MSRA: variants seen among roughly 807,000 people sequenced by gnomAD.
MSRA encodes the protein mitochondrial peptide methionine sulfoxide reductase.
MSRA carries 54 observed loss-of-function variants against 31.3 expected under a neutral mutation model. The ratio of observed to expected loss-of-function variants is 1.73; its 90% CI spans 1.39 to 2.17. MSRA has a LOEUF of 2.17. MSRA is among the 30% of genes most tolerant of loss of function. The probability of loss-of-function intolerance (pLI) is 0.00; values close to 1 mark genes in which losing one functional copy is unlikely to be tolerated. For synonymous variants in MSRA, 169 were observed against 116.5 expected, an observed-to-expected ratio of 1.45 and a Z score of -2.90; for missense variants, 507 against 300.9, an observed-to-expected ratio of 1.69 and a Z score of -5.07.
In MSRA at chr8:10,057,742, C is replaced by T. The variant is rs148037352; in HGVS notation, c.142+3084C>T. On this transcript the variant is annotated intron_variant, in intron 1 of 5. Transcript: ENST00000317173. ...TTGCGCTCTCTCGTTCTCTCCTGCT[C>T]CTTTGTGTGGAGATGTGCCAGCTTC... Among the ~76,000 whole-genome samples the T allele has an allele frequency of 1.7e-4, 26 of 152,270 alleles. No individual in the cohort carries two copies. The East Asian group carries it at 3.5e-3, about 20-fold the overall frequency.
At position 10,316,527 on chromosome 8, in the gene MSRA, CCTCTCTCTCTCTCT is replaced by C. The variant is rs139421344; in HGVS notation, c.437-3322_437-3309del. Among the ~76,000 whole-genome samples the C allele has an allele frequency of 2.2e-3, 252 of 112,634 alleles. 1 individual carries two copies. The highest frequency in any genetic ancestry group is 4.9e-3 in the Middle Eastern group (1 of 206). The allele number at this position is 112,634 out of a possible 152,430, so 73.9% of individuals were successfully genotyped here. A position where few individuals can be genotyped will look rare whatever the true frequency, so the allele number is the denominator to read the frequency against. ...AGGATTGTTAGCTACTTTGATGATC[CCTCTCTCTCTCTCT>C]CTCTCTCTCTCTCTCTCTCTCTCTC... is the stretch of plus-strand genomic sequence containing the variant. On this transcript the variant is annotated intron_variant, in intron 4 of 5. Transcript: ENST00000317173.
At chr8:10,090,106 A>C (rs1798782267) in intron 1 of MSRA, among the ~76,000 whole-genome samples, 1 of 152,230 alleles carries the variant, frequency 6.6e-6, no homozygotes, top group African/African-American at 2.4e-5. Context: ...TTCATGGTGC[A>C]CATGGAGAGC....
chr8:10,101,777 CCATT>C (rs1255440117), intron 1 of MSRA, among the ~76,000 whole-genome samples: 1 of 152,196 alleles, frequency 6.6e-6, no homozygotes, highest in Non-Finnish European at 1.5e-5. Flanking sequence ...TTTTCTTTCT[CCATT>C]CATCTGCCAG....
intron 3 of MSRA, among the ~76,000 whole-genome samples, chr8:10,275,265 A>T (rs1437992745): frequency 6.6e-6 from 1 of 152,222 alleles, no homozygotes; most frequent in Admixed American, 6.5e-5. Flanking sequence ...AGATAATTCC[A>T]TACGATCAAG....
intron 5 of MSRA, among the ~76,000 whole-genome samples, chr8:10,424,374 C>A (rs180866221): frequency 6.7e-6 from 1 of 150,330 alleles, no homozygotes; most frequent in East Asian, 2.0e-4. Context: ...GGGAGAAGGC[C>A]CGGGGTGGAG....
rs1803517920 is a variant in MSRA, at chr8:10,342,853, C to G, written c.543+22864C>G. On this transcript the variant is annotated intron_variant, in intron 5 of 5. Coordinates refer to ENST00000317173, the MANE Select transcript of MSRA (RefSeq NM_012331.5). ...GCTCCGGTGAAAGACAGCTTGGTTC[C>G]AATCCCAGCTCTGCCACTGTGTGAC... is the stretch of plus-strand genomic sequence containing the variant. 1.3e-5 allele frequency among the ~76,000 whole-genome samples: 2 copies of G among 152,214 alleles called. 1 individual carries two copies. Among genetic ancestry groups the G allele is most frequent in the South Asian group, 4.1e-4 (2 of 4,830 alleles).
intron 1 of MSRA, among the ~76,000 whole-genome samples, chr8:10,171,070 C>G (rs990694128): frequency 6.6e-6 from 1 of 152,172 alleles, no homozygotes; most frequent in African/African-American, 2.4e-5. Flanking sequence ...TTTGAGAGCA[C>G]TGTCATTTTT....
intron 1 of MSRA, among the ~76,000 whole-genome samples, chr8:10,086,696 G>A (rs1023713109): frequency 6.6e-6 from 1 of 151,436 alleles, no homozygotes; most frequent in African/African-American, 2.4e-5. Context: ...TCATTTTTAT[G>A]TCCATTGTGG....
chr8:10,387,135 A>G (rs1208445206), intron 5 of MSRA, among the ~76,000 whole-genome samples: 1 of 152,154 alleles, frequency 6.6e-6, no homozygotes, highest in African/African-American at 2.4e-5. Flanking sequence ...CCACACTTCC[A>G]GTAGTGAGGC....
At chr8:10,359,093 G>T (rs138000957) in intron 5 of MSRA, among the ~76,000 whole-genome samples, 1 of 152,182 alleles carries the variant, frequency 6.6e-6, no homozygotes, top group Non-Finnish European at 1.5e-5. Flanking sequence ...AGCATGTGAT[G>T]TGCTTTTTCA....
At chr8:10,073,715 T>C (rs1485661698) in intron 1 of MSRA, among the ~76,000 whole-genome samples, 1 of 152,118 alleles carries the variant, frequency 6.6e-6, no homozygotes, top group African/African-American at 2.4e-5. Flanking sequence ...TAGATGTAGA[T>C]CTAGTTGCCT....
At chr8:10,144,514 C>T (rs1802973226) in intron 1 of MSRA, among the ~76,000 whole-genome samples, 1 of 152,148 alleles carries the variant, frequency 6.6e-6, no homozygotes, top group South Asian at 2.1e-4. Context: ...GAAACAGAAC[C>T]AACATTGCAC....
chr8:10,146,012 T>C (rs1334566591), intron 1 of MSRA, among the ~76,000 whole-genome samples: 1 of 152,214 alleles, frequency 6.6e-6, no homozygotes, highest in Non-Finnish European at 1.5e-5. Flanking sequence ...CGTATATTTA[T>C]GTATTTGGAG....
intron 1 of MSRA, among the ~76,000 whole-genome samples, chr8:10,160,277 G>A (rs1405693048): frequency 6.6e-6 from 1 of 152,036 alleles, no homozygotes; most frequent in Non-Finnish European, 1.5e-5. Context: ...GGCAGATCAC[G>A]AGGTCAGGAG....
intron 1 of MSRA, among the ~76,000 whole-genome samples, chr8:10,186,819 G>T (rs909323898): frequency 4.6e-5 from 7 of 152,080 alleles, no homozygotes; most frequent in African/African-American, 1.7e-4. Flanking sequence ...TTTTTTCAGT[G>T]GAAATGTTAG....
chr8:10,074,675 T>C (rs1797912744), intron 1 of MSRA, among the ~76,000 whole-genome samples: 1 of 152,150 alleles, frequency 6.6e-6, no homozygotes, highest in Non-Finnish European at 1.5e-5. Context: ...CTTTTCTTTT[T>C]TTTGACACAG....
At chr8:10,193,113 C>A (rs916688786) in intron 1 of MSRA, among the ~76,000 whole-genome samples, 1 of 152,208 alleles carries the variant, frequency 6.6e-6, no homozygotes, top group African/African-American at 2.4e-5. Flanking sequence ...TCCTCGAAAT[C>A]AGATTTACTG....
chr8:10,234,601 A>G (rs948841692), intron 2 of MSRA, among the ~76,000 whole-genome samples: 1 of 152,100 alleles, frequency 6.6e-6, no homozygotes, highest in African/African-American at 2.4e-5. Flanking sequence ...AGAAGTTTAA[A>G]TAGCCAGAGT....
intron 1 of MSRA, among the ~76,000 whole-genome samples, chr8:10,088,489 C>T (rs1021209274): frequency 6.6e-6 from 1 of 152,134 alleles, no homozygotes; most frequent in African/African-American, 2.4e-5. Flanking sequence ...AATCCCAGCA[C>T]TTCGGGAGGC....
Sources: gnomAD v4.1 joint callset for allele counts (sites outside exome capture counted in the v4.1 genomes callset) on GRCh38, gnomAD v4.1.1 for gene constraint, MANE v1.5 for transcripts, NCBI Gene and HGNC (gene_info 2026-07-23, HGNC 2026-07-21) for gene names.